The following BNC2 variants were observed in gnomAD, a reference collection of about 807,000 sequenced individuals.
BNC2 encodes zinc finger protein basonuclin-2.
A neutral mutation model predicts 76.3 loss-of-function variants in BNC2; 20 were observed. That is an observed-to-expected ratio of 0.26 (90% CI 0.18 to 0.38). BNC2 has a LOEUF of 0.38. Ranked by LOEUF, BNC2 falls within the 10% of genes least tolerant of loss-of-function variation. The pLI, the probability that BNC2 is intolerant of heterozygous loss-of-function variation, is 1.00. For missense variants in BNC2, 1,382 were observed against 1,399.8 expected, an observed-to-expected ratio of 0.99 and a Z score of 0.20; for synonymous variants, 582 against 514.8, an observed-to-expected ratio of 1.13 and a Z score of -1.77.
At chr9:16,727,649 A>C (rs1824379456) in intron 3 of BNC2, 148 bp downstream of exon 3, 3 of 687,830 alleles carry the variant, frequency 4.4e-6, no homozygotes, top group Non-Finnish European at 7.2e-6. Flanking sequence ...TTCCAGTAAC[A>C]CAGTTATGAC....
intron 5 of BNC2, among the ~76,000 whole-genome samples, chr9:16,496,080 T>C (rs1337697907): frequency 6.6e-6 from 1 of 151,926 alleles, no homozygotes; most frequent in African/African-American, 2.4e-5. Flanking sequence ...GGCTAATCTT[T>C]GTATTTTTAG....
intron 3 of BNC2, among the ~76,000 whole-genome samples, chr9:16,660,305 T>G (rs764625858): frequency 9.9e-5 from 15 of 151,980 alleles, no homozygotes; most frequent in Non-Finnish European, 4.4e-5. Flanking sequence ...AAATACAAAA[T>G]TAACCAGGCG....
chr9:16,659,150 G>T (rs115022473), intron 3 of BNC2, among the ~76,000 whole-genome samples: 13 of 98,594 alleles, frequency 1.3e-4, no homozygotes, highest in East Asian at 7.2e-4. Flanking sequence ...TGGATGGCGG[G>T]GGGGGGCATG....
chr9:16,788,413 C>A (rs943034598), intron 1 of BNC2, among the ~76,000 whole-genome samples: 1 of 151,872 alleles, frequency 6.6e-6, no homozygotes, highest in African/African-American at 2.4e-5. Flanking sequence ...ATTAGCCGGG[C>A]GTGGTGGTAG....
intron 5 of BNC2, among the ~76,000 whole-genome samples, chr9:16,548,130 G>T (rs1034199998): frequency 3.9e-5 from 6 of 152,142 alleles, no homozygotes; most frequent in Non-Finnish European, 8.8e-5. Flanking sequence ...AATTCTGGCA[G>T]GACCCACCTG....
At chr9:16,662,578 A>T (rs963561609) in intron 3 of BNC2, among the ~76,000 whole-genome samples, 2 of 152,122 alleles carry the variant, frequency 1.3e-5, no homozygotes, top group African/African-American at 4.8e-5. Context: ...TCCACTAAAC[A>T]TACAAAAATT....
At chr9:16,423,965 T>C (rs968341592) in intron 6 of BNC2, among the ~76,000 whole-genome samples, 5 of 152,106 alleles carry the variant, frequency 3.3e-5, no homozygotes, top group Non-Finnish European at 5.9e-5. Context: ...TCCTTCTTCT[T>C]TGAAATGCTG....
chr9:16,833,553 A>AT (rs895885600), intron 1 of BNC2, among the ~76,000 whole-genome samples: 144 of 151,698 alleles, frequency 9.5e-4, no homozygotes, highest in African/African-American at 3.2e-3. Context: ...GCAAAGAGCA[A>AT]TTTTTTTTTC....
intron 5 of BNC2, chr9:16,473,332 A>G (rs1821863454): frequency 1.3e-5 from 2 of 152,240 alleles, no homozygotes; most frequent in African/African-American, 2.4e-5. Flanking sequence ...CTAACAAGAA[A>G]CAAACCGGAA....
At chr9:16,498,668 AAAAT>A (rs1347918986) in intron 5 of BNC2, among the ~76,000 whole-genome samples, 4 of 151,496 alleles carry the variant, frequency 2.6e-5, no homozygotes, top group Admixed American at 1.3e-4. Context: ...AGAAAAATAA[AAAAT>A]AAATAAAATC....
intron 5 of BNC2, among the ~76,000 whole-genome samples, chr9:16,508,170 C>A (rs1355041416): frequency 6.6e-6 from 1 of 152,170 alleles, no homozygotes; most frequent in Non-Finnish European, 1.5e-5. Context: ...GTCCATAATT[C>A]AACACACTAA....
At chr9:16,505,054 T>C (rs549674487) in intron 5 of BNC2, among the ~76,000 whole-genome samples, 27 of 152,358 alleles carry the variant, frequency 1.8e-4, no homozygotes, top group African/African-American at 6.5e-4. Context: ...GTTGAGGCAA[T>C]ACTGCTAACT....
At chr9:16,703,114 G>T (rs1823563758) in intron 3 of BNC2, among the ~76,000 whole-genome samples, 1 of 152,010 alleles carries the variant, frequency 6.6e-6, no homozygotes, top group East Asian at 1.9e-4. Flanking sequence ...TTCCCCTCTT[G>T]GATTATGAAA....
chr9:16,806,308 A>G (rs1817909390), intron 1 of BNC2, among the ~76,000 whole-genome samples: 1 of 152,174 alleles, frequency 6.6e-6, no homozygotes, highest in African/African-American at 2.4e-5. Context: ...GGATCACTGC[A>G]GTGAGCAGTG....
chr9:16,766,794 A>C (rs1239217013), intron 1 of BNC2, among the ~76,000 whole-genome samples: 1 of 151,724 alleles, frequency 6.6e-6, no homozygotes. Context: ...TGGTTTGGGA[A>C]GGTTACTTTG....
chr9:16,414,577 CTGGA>C lies in BNC2; in HGVS notation c.*4408_*4411del, dbSNP rs1820544540. Reference sequence around the variant, plus strand: ...ACCACAGGATGAAAAAAAGTTTCTTCTGGATGATTTGTTTCTTGATGATAGCAGA... The same window carrying C: ...ACCACAGGATGAAAAAAAGTTTCTTCTGATTTGTTTCTTGATGATAGCAGA... On this transcript the variant is annotated 3_prime_UTR_variant, in exon 7 of 7. Transcript: ENST00000380672. 2 of 152,170 alleles carry C rather than the reference CTGGA, an allele frequency of 1.3e-5. No individual in the cohort carries two copies. Among genetic ancestry groups the C allele is most frequent in the African/African-American group, 4.8e-5 (2 of 41,438 alleles). 9.4% of individuals were successfully genotyped at this position (152,170 alleles called of 1,614,324 possible).
chr9:16,849,629 G>T (rs543399954), intron 1 of BNC2, among the ~76,000 whole-genome samples: 176 of 152,170 alleles, frequency 1.2e-3, no homozygotes, highest in African/African-American at 3.9e-3. Flanking sequence ...AAAGTGCTGG[G>T]ACTATAGGCG....
chr9:16,720,798 C>G (rs1400939728), intron 3 of BNC2, among the ~76,000 whole-genome samples: 1 of 152,068 alleles, frequency 6.6e-6, no homozygotes, highest in South Asian at 2.1e-4. Context: ...TTAAAGAAAG[C>G]TCTATGAATG....
chr9:16,792,723 T>A (rs1817547564), intron 1 of BNC2, among the ~76,000 whole-genome samples: 1 of 152,152 alleles, frequency 6.6e-6, no homozygotes, highest in Non-Finnish European at 1.5e-5. Context: ...ATCATAAGCG[T>A]ATAAAAAAGC....
Sources: allele counts gnomAD v4.1 joint callset (sites outside exome capture counted in the v4.1 genomes callset), GRCh38; gene constraint gnomAD v4.1.1; transcripts MANE v1.5; gene names NCBI Gene and HGNC (gene_info 2026-07-23, HGNC 2026-07-21).